Variants in ZDHHC21 observed in about 807,000 individuals in gnomAD.
ZDHHC21 encodes the protein zDHHC palmitoyltransferase 21, also known as palmitoyltransferase ZDHHC21.
In ZDHHC21, 15 loss-of-function variants were observed where a neutral mutation model predicts 34.6. The ratio of observed to expected loss-of-function variants is 0.43; its 90% CI spans 0.29 to 0.67. ZDHHC21 has a LOEUF of 0.67. Among genes scored for constraint, ZDHHC21 ranks in the 30% least tolerant of loss-of-function variants. The probability of loss-of-function intolerance (pLI) is 0.14; values close to 1 mark genes in which losing one functional copy is unlikely to be tolerated. For synonymous variants in ZDHHC21, 142 were observed against 101.8 expected (o/e 1.40, Z -2.38); for missense variants, 344 against 327.7 (o/e 1.05, Z -0.38).
At chr9:14,689,753 TG>T (rs764461247) in intron 2 of ZDHHC21, among the ~76,000 whole-genome samples, 8 of 152,156 alleles carry the variant, frequency 5.3e-5, no homozygotes, top group Non-Finnish European at 1.0e-4. Context: ...AGTAGATAAC[TG>T]GGCCACTGTT....
At chr9:14,651,514 G>T (rs561910735) in intron 7 of ZDHHC21, among the ~76,000 whole-genome samples, 2 of 151,978 alleles carry the variant, frequency 1.3e-5, no homozygotes, top group African/African-American at 4.8e-5. Context: ...TTACCTGTAA[G>T]ATGGCAACCA....
rs1057243776 is a variant in ZDHHC21, at chr9:14,687,604, G to A, written c.-176+2733C>T. Among the ~76,000 whole-genome samples, 26 of 150,880 alleles carry A rather than the reference G, an allele frequency of 1.7e-4. 1 individual carries two copies. Among genetic ancestry groups the A allele is most frequent in the African/African-American group, 6.5e-4 (26 of 40,158 alleles). ...GAGAATCGCTTGAAGCTTGAACCCA[G>A]GAGGCAGAAGCCGCAGTGAGCAGAA... On this transcript the variant is annotated intron_variant, in intron 2 of 9. Transcript: ENST00000380916.
intron 5 of ZDHHC21, among the ~76,000 whole-genome samples, chr9:14,664,725 C>A (rs1201591443): frequency 1.3e-5 from 2 of 152,006 alleles, no homozygotes; most frequent in African/African-American, 2.4e-5. Flanking sequence ...GAGGCACCCC[C>A]CAGCAGGGGC....
intron 7 of ZDHHC21, among the ~76,000 whole-genome samples, chr9:14,655,203 T>A (rs1244496100): frequency 6.6e-6 from 1 of 151,940 alleles, no homozygotes; most frequent in Non-Finnish European, 1.5e-5. Flanking sequence ...GACAATGGAA[T>A]AACATCTTTT....
At chr9:14,594,872 G>T in the ZDHHC21 span, among the ~76,000 whole-genome samples, 2 of 152,032 alleles carry the variant, frequency 1.3e-5, no homozygotes, top group Admixed American at 6.6e-5. Context: ...ATTTTGAATA[G>T]ACAGTTTATC....
At chr9:14,641,288 G>A (rs1829325138) in intron 7 of ZDHHC21, among the ~76,000 whole-genome samples, 3 of 152,134 alleles carry the variant, frequency 2.0e-5, no homozygotes, top group Non-Finnish European at 2.9e-5. Flanking sequence ...AAAACGTTAT[G>A]TAGCAGGTAA....
At position 14,623,156 on chromosome 9, in the gene ZDHHC21, C is replaced by CAA. The variant is rs200679461; in HGVS notation, c.622-3476_622-3475dup. On this transcript the variant is annotated intron_variant, in intron 8 of 9. Coordinates refer to ENST00000380916, the MANE Select transcript of ZDHHC21 (RefSeq NM_178566.6). ...AAGACATAAAAAAAAAAGGCAACAACAAAAAAAAAAACAGACAAATGAGAT... is the reference window on the plus strand; with the variant it reads ...AAGACATAAAAAAAAAAGGCAACAACAAAAAAAAAAAAACAGACAAATGAGAT... Among the ~76,000 whole-genome samples the CAA allele has an allele frequency of 9.5e-4, 133 of 139,754 alleles. 2 individuals are homozygous for CAA. Among genetic ancestry groups the CAA allele is most frequent in the African/African-American group, 3.1e-3 (122 of 38,892 alleles). 91.7% of individuals were successfully genotyped at this position (139,754 alleles called of 152,430 possible). A position where few individuals can be genotyped will look rare whatever the true frequency, so the allele number is the denominator to read the frequency against.
Position 14,658,863 on chromosome 9 carries a change from A to T in ZDHHC21, c.390T>A (p.Asp130Glu). 1 of 1,613,240 alleles carries T rather than the reference A, an allele frequency of 6.2e-7. No homozygotes were observed. Among genetic ancestry groups the T allele is most frequent in the Non-Finnish European group, 8.5e-7 (1 of 1,179,540 alleles). ...CPWINNCVGE[D>E]NHWLFLQLCF... ...ACAACTGCAGAAAGAGCCAATGATT[A>T]TCTTCACCAACACAATTGTTAATCC... is the stretch of plus-strand genomic sequence containing the variant. The change falls in exon 7 of 10, where the codon GAT (aspartate) becomes GAA (glutamate). Residue 130 changes from aspartate (D) to glutamate (E), a missense_variant. Coordinates refer to ENST00000380916, the MANE Select transcript of ZDHHC21 (RefSeq NM_178566.6).
chr9:14,592,514 T>C, the ZDHHC21 span, among the ~76,000 whole-genome samples: 1 of 152,004 alleles, frequency 6.6e-6, no homozygotes, highest in African/African-American at 2.4e-5. Flanking sequence ...CACTCTCAAA[T>C]ACATAAAGCA....
intron 1 of ZDHHC21, 97 bp from the exon 2 acceptor site, chr9:14,690,482 G>A (rs1839005142): frequency 2.5e-6 from 1 of 397,096 alleles, no homozygotes; most frequent in Non-Finnish European, 4.9e-6. Context: ...CCAGTGAATG[G>A]TAAAATATCA....
chr9:14,663,198 T>C (rs771642915), intron 5 of ZDHHC21, among the ~76,000 whole-genome samples: 74 of 152,196 alleles, frequency 4.9e-4, no homozygotes, highest in Non-Finnish European at 9.3e-4. Flanking sequence ...CAAAAATGTA[T>C]CTTTTAAATA....
intron 1 of ZDHHC21, among the ~76,000 whole-genome samples, chr9:14,691,783 A>C (rs1374568376): frequency 6.6e-6 from 1 of 152,204 alleles, no homozygotes; most frequent in Non-Finnish European, 1.5e-5. Flanking sequence ...CACCAAAACA[A>C]TTATGGAATT....
chr9:14,598,776 G>C, the ZDHHC21 span, among the ~76,000 whole-genome samples: 2 of 151,718 alleles, frequency 1.3e-5, no homozygotes, highest in Non-Finnish European at 2.9e-5. Context: ...TTTAAGACAG[G>C]GTCTCACTCT....
At chr9:14,633,317 G>A (rs916269386) in intron 8 of ZDHHC21, among the ~76,000 whole-genome samples, 2 of 152,144 alleles carry the variant, frequency 1.3e-5, no homozygotes, top group African/African-American at 4.8e-5. Context: ...GGGACATGGA[G>A]AGGCTCCCCA....
the ZDHHC21 span, among the ~76,000 whole-genome samples, chr9:14,592,531 G>A: frequency 6.6e-6 from 1 of 151,944 alleles, no homozygotes; most frequent in South Asian, 2.1e-4. Flanking sequence ...AGCAAAACCT[G>A]AAAGAATTAA....
At chr9:14,636,666 G>A (rs975668617) in intron 8 of ZDHHC21, among the ~76,000 whole-genome samples, 51 of 152,002 alleles carry the variant, frequency 3.4e-4, no homozygotes, top group African/African-American at 1.1e-3. Context: ...CACAAAACAA[G>A]TCTCAAGAAA....
intron 4 of ZDHHC21, among the ~76,000 whole-genome samples, chr9:14,673,585 G>T (rs1213364749): frequency 6.6e-6 from 1 of 150,430 alleles, no homozygotes; most frequent in African/African-American, 2.4e-5. Context: ...CTCAATCCAG[G>T]ACTGACTGCA....
chr9:14,634,509 C>T lies in ZDHHC21; in HGVS notation c.621+5387G>A, dbSNP rs376322771. Among the ~76,000 whole-genome samples, 11 of 152,166 alleles carry T rather than the reference C, an allele frequency of 7.2e-5. No individual in the cohort carries two copies. The East Asian group carries it at 7.7e-4, about 11-fold the overall frequency. Reference sequence around the variant, plus strand: ...CTAAGGACAAGCCCACCTGGCAACCCGGTCCCTAGCAAAATTTCACCACAA... The same window carrying T: ...CTAAGGACAAGCCCACCTGGCAACCTGGTCCCTAGCAAAATTTCACCACAA... On this transcript the variant is annotated intron_variant, in intron 8 of 9. Coordinates refer to ENST00000380916, the MANE Select transcript of ZDHHC21 (RefSeq NM_178566.6).
chr9:14,667,184 C>A (rs1156955303), intron 5 of ZDHHC21, among the ~76,000 whole-genome samples: 1 of 143,612 alleles, frequency 7.0e-6, no homozygotes, highest in African/African-American at 2.6e-5. Flanking sequence ...ACTGATCCCA[C>A]AGAAATACCA....
Sources: gnomAD v4.1 joint callset for allele counts (sites outside exome capture counted in the v4.1 genomes callset) on GRCh38, gnomAD v4.1.1 for gene constraint, MANE v1.5 for transcripts, NCBI Gene and HGNC (gene_info 2026-07-23, HGNC 2026-07-21) for gene names.